Variants in GTF3C3 observed in about 807,000 individuals in gnomAD.
GTF3C3 encodes general transcription factor IIIC subunit 3, also known as general transcription factor 3C polypeptide 3.
A neutral mutation model predicts 105.2 loss-of-function variants in GTF3C3; 75 were observed. The observed-to-expected ratio is 0.71, with a 90% CI of 0.59 to 0.86. The LOEUF is 0.86. GTF3C3 is among the 40% of genes least tolerant of loss of function. GTF3C3 has a pLI of 0.00. For synonymous variants in GTF3C3, 335 were observed against 370.4 expected, an observed-to-expected ratio of 0.90 and a Z score of 1.10; for missense variants, 856 against 1,076.5, an observed-to-expected ratio of 0.80 and a Z score of 2.87.
chr2:196,785,193 T>A (rs767869097), intron 7 of GTF3C3, among the ~76,000 whole-genome samples: 10 of 150,318 alleles, frequency 6.7e-5, no homozygotes, highest in Non-Finnish European at 1.3e-4. Flanking sequence ...CAGCAATTCA[T>A]CTGACTGTTG....
intron 16 of GTF3C3, 114 bp from the exon 17 acceptor site, chr2:196,766,831 G>T: frequency 1.4e-6 from 1 of 712,582 alleles, no homozygotes; most frequent in Non-Finnish European, 2.3e-6. Flanking sequence ...CTATCTATCT[G>T]CTTAGTGTCC....
At position 196,766,429 on chromosome 2, in the gene GTF3C3, A is replaced by ATAAT. The variant is rs1699070330; in HGVS notation, c.2538+132_2538+135dup. On this transcript the variant is annotated intron_variant, in intron 17 of 17. Transcript: ENST00000263956. ...GTCGAAGTGGTACCTGTTCCTGAAC[A>ATAAT]TAATTACGTAAACATACTGAATAAG... The ATAAT allele has an allele frequency of 6.3e-6, 4 of 639,126 alleles. 1 individual carries two copies. Among genetic ancestry groups the ATAAT allele is most frequent in the Admixed American group, 6.0e-5 (2 of 33,238 alleles). 39.6% of individuals were successfully genotyped at this position (639,126 alleles called of 1,614,324 possible).
At chr2:196,794,663 G>A (rs374250695) in intron 2 of GTF3C3, among the ~76,000 whole-genome samples, 1 of 152,010 alleles carries the variant, frequency 6.6e-6, no homozygotes, top group African/African-American at 2.4e-5. Context: ...TCAAACTCCC[G>A]ACCTCAGGTG....
chr2:196,770,171 G>T, intron 15 of GTF3C3, 132 bp from the exon 16 acceptor site: 2 of 640,826 alleles, frequency 3.1e-6, no homozygotes, highest in Non-Finnish European at 4.8e-6. Context: ...AGCAACCAGA[G>T]ACCTATTAAT....
Position 196,791,126 on chromosome 2 carries a change from A to AG in GTF3C3, c.535+210dup, listed in dbSNP as rs201204540. ...CTCAACTGAAACATTAGAAAAAAAA[A>AG]GTAACAGTGAAATTCAACAAATATT... On this transcript the variant is annotated intron_variant, in intron 4 of 17. Transcript: ENST00000263956. Among the ~76,000 whole-genome samples, 166 of 152,354 alleles carry AG rather than the reference A, an allele frequency of 1.1e-3. No individual in the cohort carries two copies. In the East Asian group the frequency reaches 0.019, roughly 17 times the overall value.
At chr2:196,781,357 A>AAAAAAAAAAAAAATAT in intron 8 of GTF3C3, among the ~76,000 whole-genome samples, 2 of 18,804 alleles carry the variant, frequency 1.1e-4, no homozygotes, top group African/African-American at 2.1e-4. Flanking sequence ...AAAAAAAAAA[A>AAAAAAAAAAAAAATAT]ATATATATAT....
intron 16 of GTF3C3, 59 bp from the exon 17 acceptor site, chr2:196,766,776 C>G: frequency 7.7e-7 from 1 of 1,305,404 alleles, no homozygotes; most frequent in Non-Finnish European, 1.1e-6. Flanking sequence ...ATGTACTAGA[C>G]CACTGTATTA....
chr2:196,784,841 CAG>C lies in GTF3C3; in HGVS notation c.1114+14_1114+15del. The C allele has an allele frequency of 1.2e-6, 2 of 1,601,632 alleles. No individual in the cohort carries two copies. The highest frequency in any genetic ancestry group is 1.7e-6 in the Non-Finnish European group (2 of 1,175,410). On this transcript the variant is annotated intron_variant, in intron 8 of 17. Transcript: ENST00000263956. Reference sequence around the variant, plus strand: ...AGAGGATTATATACACTTTCCTAAGCAGAGGAAACTACAACCTTTATTCTCTT... The same window carrying C: ...AGAGGATTATATACACTTTCCTAAGCAGGAAACTACAACCTTTATTCTCTT...
intron 8 of GTF3C3, among the ~76,000 whole-genome samples, chr2:196,783,846 G>C (rs1168904060): frequency 6.6e-6 from 1 of 152,146 alleles, no homozygotes; most frequent in African/African-American, 2.4e-5. Context: ...TTCCTTGAGA[G>C]CAGGAAATAT....
At position 196,776,255 on chromosome 2, in the gene GTF3C3, T is replaced by G. The variant is rs1356797554; in HGVS notation, c.1594-144A>C. 1 of 710,616 alleles carries G rather than the reference T, an allele frequency of 1.4e-6. No individual in the cohort carries two copies. Among genetic ancestry groups the G allele is most frequent in the African/African-American group, 1.8e-5 (1 of 55,964 alleles). The allele number at this position is 710,616 out of a possible 1,614,324, so 44.0% of individuals were successfully genotyped here. A position where few individuals can be genotyped will look rare whatever the true frequency, so the allele number is the denominator to read the frequency against. ...ATTAAGAGCCAATATTTTAAAACTA[T>G]AATTTGTAACCCAACCAGTGGCTGA... On this transcript the variant is annotated intron_variant, in intron 11 of 17. Coordinates refer to ENST00000263956, the MANE Select transcript of GTF3C3 (RefSeq NM_012086.5). This position sits in a 1 kb window ranked among gnomAD's most constrained non-coding sequence, Gnocchi z 4.5.
intron 8 of GTF3C3, among the ~76,000 whole-genome samples, chr2:196,781,743 G>C (rs537700377): frequency 6.6e-6 from 1 of 151,978 alleles, no homozygotes; most frequent in South Asian, 2.1e-4. Context: ...GCCAATAACT[G>C]GTATCAGAAA....
At chr2:196,797,126 G>A (rs528535848) in intron 2 of GTF3C3, among the ~76,000 whole-genome samples, 1 of 152,296 alleles carries the variant, frequency 6.6e-6, no homozygotes, top group East Asian at 1.9e-4. Flanking sequence ...TGACAGTTTA[G>A]CATCCCAGTT....
At chr2:196,772,869 C>T in intron 14 of GTF3C3, 47 bp downstream of exon 14, 1 of 951,592 alleles carries the variant, frequency 1.1e-6, no homozygotes, top group Admixed American at 2.4e-5. Flanking sequence ...AGTACATGTA[C>T]TTACTCTATT....
intron 7 of GTF3C3, among the ~76,000 whole-genome samples, chr2:196,785,159 C>T (rs377751182): frequency 1.3e-5 from 2 of 152,080 alleles, no homozygotes; most frequent in African/African-American, 4.8e-5. Context: ...CTACTTTCCC[C>T]CAACCAGCTT....
chr2:196,770,734 A>G (rs1199636005), intron 15 of GTF3C3, among the ~76,000 whole-genome samples: 1 of 152,206 alleles, frequency 6.6e-6, no homozygotes, highest in Non-Finnish European at 1.5e-5. Flanking sequence ...TCTGGCTTCT[A>G]TTTTGGAAGG....
chr2:196,772,274 T>C (rs1446813112), intron 14 of GTF3C3, among the ~76,000 whole-genome samples: 7 of 152,218 alleles, frequency 4.6e-5, no homozygotes, highest in African/African-American at 1.7e-4. Flanking sequence ...TTGCCAGGCA[T>C]TGGCCGGGCA....
chr2:196,773,107 C>A lies in GTF3C3; in HGVS notation c.1878G>T (p.Trp626Cys). Reference protein sequence around the residue: ...LTSVLTKDDWWNLLLKAIYSL... With the variant: ...LTSVLTKDDWCNLLLKAIYSL... Reference sequence around the variant, plus strand: ...AGTATATGGCCTTCAACAGAAGATTCCACCAGTCATCCTTTGTCAAGACGC... The same window carrying A: ...AGTATATGGCCTTCAACAGAAGATTACACCAGTCATCCTTTGTCAAGACGC... The change falls in exon 14 of 18, where the codon TGG (tryptophan) becomes TGT (cysteine). Residue 626 changes from tryptophan (W) to cysteine (C), a missense_variant. By Grantham distance (215) the Trp-to-Cys change is radical. Coordinates refer to ENST00000263956, the MANE Select transcript of GTF3C3 (RefSeq NM_012086.5). The A allele has an allele frequency of 1.2e-6, 2 of 1,612,272 alleles. No homozygotes were observed. The highest frequency in any genetic ancestry group is 1.7e-6 in the Non-Finnish European group (2 of 1,179,248).
intron 15 of GTF3C3, among the ~76,000 whole-genome samples, chr2:196,770,903 A>G (rs1047219772): frequency 2.6e-5 from 4 of 152,192 alleles, no homozygotes; most frequent in African/African-American, 9.6e-5. Flanking sequence ...GGAATGTTTC[A>G]ACATCTGATG....
chr2:196,787,074 TC>T (rs1699463837), intron 6 of GTF3C3, among the ~76,000 whole-genome samples: 1 of 152,106 alleles, frequency 6.6e-6, no homozygotes, highest in Non-Finnish European at 1.5e-5. Context: ...TAGGGTTCAG[TC>T]CTCTATACCC....
Sources: allele counts gnomAD v4.1 joint callset (sites outside exome capture counted in the v4.1 genomes callset), GRCh38; gene constraint gnomAD v4.1.1; non-coding constraint Gnocchi (gnomAD v3.1); transcripts MANE v1.5; gene names NCBI Gene and HGNC (gene_info 2026-07-23, HGNC 2026-07-21).